CACNA1G: variants seen among roughly 807,000 people sequenced by gnomAD.
The protein encoded by CACNA1G is calcium voltage-gated channel subunit alpha1 G, also known as voltage-dependent T-type calcium channel subunit alpha-1G.
A neutral mutation model predicts 219.4 loss-of-function variants in CACNA1G; 67 were observed. That is an observed-to-expected ratio of 0.31 (90% CI 0.25 to 0.37). The LOEUF (loss-of-function observed/expected upper bound fraction) is 0.37. Ranked by LOEUF, CACNA1G falls within the 10% of genes least tolerant of loss-of-function variation. The pLI, the probability that CACNA1G is intolerant of heterozygous loss-of-function variation, is 1.00. For missense variants in CACNA1G, 2,380 were observed against 3,231.4 expected, an observed-to-expected ratio of 0.74 and a Z score of 6.39; for synonymous variants, 1,296 against 1,345.3, an observed-to-expected ratio of 0.96 and a Z score of 0.80.
At chr17:50,610,977 C>T (rs1567731544) in intron 26 of CACNA1G, among the ~76,000 whole-genome samples, 1 of 152,018 alleles carries the variant, frequency 6.6e-6, no homozygotes, top group Admixed American at 6.6e-5. Flanking sequence ...ACATAAGGGC[C>T]GGGCACAGTG....
Position 50,569,153 on chromosome 17 carries a change from T to C in CACNA1G, c.355-12T>C. On this transcript the variant is annotated splice_polypyrimidine_tract_variant and intron_variant, in intron 2 of 37. Transcript: ENST00000359106. ...ACGTCTCAGTTTCAGCCACCTCTTG[T>C]CCCCACATCAGGCCTTTGATGACTT... is the stretch of plus-strand genomic sequence containing the variant. The C allele has an allele frequency of 6.2e-7, 1 of 1,612,628 alleles. No homozygotes were observed. The highest frequency in any genetic ancestry group is 8.5e-7 in the Non-Finnish European group (1 of 1,179,026).
chr17:50,581,125 G>A (rs901818592), intron 9 of CACNA1G, among the ~76,000 whole-genome samples: 22 of 151,756 alleles, frequency 1.4e-4, no homozygotes, highest in African/African-American at 3.9e-4. Context: ...GAAGAGAGAC[G>A]CGCAGGCAGG....
Position 50,590,589 on chromosome 17 carries a change from A to T in CACNA1G, c.2420A>T (p.Tyr807Phe). The change falls in exon 10 of 38, where the codon TAC becomes TTC. Residue 807 changes from tyrosine (Y) to phenylalanine (F), a missense_variant. Tyr to Phe is a conservative substitution (Grantham distance 22). Around this residue, in one of 17 missense-constraint regions of CACNA1G, gnomAD observed 82 missense variants for 140.7 expected, o/e 0.58. Transcript: ENST00000359106. ...CCCTTTGGCTACATCAAGAATCCCT[A>T]CAACATCTTCGATGGTGTCATTGTG... Reference protein sequence around the residue: ...YGPFGYIKNPYNIFDGVIVVI... With the variant: ...YGPFGYIKNPFNIFDGVIVVI... The T allele has an allele frequency of 6.2e-7, 1 of 1,613,874 alleles. No homozygotes were observed. Among genetic ancestry groups the T allele is most frequent in the Non-Finnish European group, 8.5e-7 (1 of 1,179,834 alleles).
Position 50,578,652 on chromosome 17 carries a change from G to T in CACNA1G, c.2301+88G>T. 7.4e-7 allele frequency: 1 copy of T among 1,342,580 alleles called. No homozygotes were observed. Among genetic ancestry groups the T allele is most frequent in the Non-Finnish European group, 1.0e-6 (1 of 996,848 alleles). 83.2% of individuals were successfully genotyped at this position (1,342,580 alleles called of 1,614,324 possible). On this transcript the variant is annotated intron_variant, in intron 9 of 37. Coordinates refer to ENST00000359106, the MANE Select transcript of CACNA1G (RefSeq NM_018896.5). The surrounding 1 kb of genome is among the most constrained non-coding windows in gnomAD (Gnocchi z 4.5). The stretch of plus-strand genomic sequence containing the variant: ...TACCTCCCTCCGCACCCCTCCTCCT[G>T]AGCTCAGCTTCCTCTCCATGCTGCT...
At chr17:50,581,164 C>A (rs1216277681) in intron 9 of CACNA1G, among the ~76,000 whole-genome samples, 1 of 151,496 alleles carries the variant, frequency 6.6e-6, no homozygotes, top group Admixed American at 6.6e-5. Flanking sequence ...GAGAGATGAG[C>A]CACAGCGGAG....
Position 50,569,162 on chromosome 17 carries a change from C to T in CACNA1G, c.355-3C>T, listed in dbSNP as rs1375344939. 3.7e-6 allele frequency: 6 copies of T among 1,613,370 alleles called. No homozygotes were observed. Among genetic ancestry groups the T allele is most frequent in the Non-Finnish European group, 5.1e-6 (6 of 1,179,632 alleles). On this transcript the variant is annotated splice_polypyrimidine_tract_variant and splice_region_variant and intron_variant, in intron 2 of 37. Transcript: ENST00000359106. ...TTTCAGCCACCTCTTGTCCCCACAT[C>T]AGGCCTTTGATGACTTCATCTTTGC...
At position 50,569,667 on chromosome 17, in the gene CACNA1G, T is replaced by A. The variant is rs1359586483; in HGVS notation, c.489-39T>A. The A allele has an allele frequency of 2.8e-6, 4 of 1,450,106 alleles. No homozygotes were observed. In the East Asian group the frequency reaches 9.9e-5, roughly 36 times the overall value. 89.8% of individuals were successfully genotyped at this position (1,450,106 alleles called of 1,614,324 possible). A position where few individuals can be genotyped will look rare whatever the true frequency, so the allele number is the denominator to read the frequency against. ...GACCTCTTTTGACCCCACTGTGGCC[T>A]CAGACTCAAAGGGCCTCCCTTTGGG... On this transcript the variant is annotated intron_variant, in intron 3 of 37. Coordinates refer to ENST00000359106, the MANE Select transcript of CACNA1G (RefSeq NM_018896.5).
Position 50,571,775 on chromosome 17 carries a change from C to A in CACNA1G, c.587-103C>A. ...TCCAGCTTGAGCCGGGCCGTCTCAG[C>A]CTCAGAGTCCCTGGTGGGGCCCCTC... On this transcript the variant is annotated intron_variant, in intron 4 of 37. Coordinates refer to ENST00000359106, the MANE Select transcript of CACNA1G (RefSeq NM_018896.5). The surrounding 1 kb of genome is among the most constrained non-coding windows in gnomAD (Gnocchi z 4.3). 2.5e-6 allele frequency: 3 copies of A among 1,214,770 alleles called. No homozygotes were observed. The highest frequency in any genetic ancestry group is 1.3e-5 in the South Asian group (1 of 78,174). 75.2% of individuals were successfully genotyped at this position (1,214,770 alleles called of 1,614,324 possible).
intron 26 of CACNA1G, among the ~76,000 whole-genome samples, chr17:50,615,030 G>C (rs897995851): frequency 6.6e-6 from 1 of 152,134 alleles, no homozygotes. Flanking sequence ...GCCTTGCTGC[G>C]GAACACTGAG....
Position 50,621,850 on chromosome 17 carries a change from A to G in CACNA1G, c.6060+56A>G. ...CCACCCCCGGGGCTGGACTGGCTGC[A>G]GGGCTCCAGATCGGCCCAGGGAGGG... On this transcript the variant is annotated intron_variant, in intron 35 of 37. Coordinates refer to ENST00000359106, the MANE Select transcript of CACNA1G (RefSeq NM_018896.5). This position sits in a 1 kb window ranked among gnomAD's most constrained non-coding sequence, Gnocchi z 4.6. 2 of 1,600,892 alleles carry G rather than the reference A, an allele frequency of 1.2e-6. No individual in the cohort carries two copies. The highest frequency in any genetic ancestry group is 1.7e-6 in the Non-Finnish European group (2 of 1,174,186).
Position 50,596,937 on chromosome 17 carries a change from G to T in CACNA1G, c.3258+14G>T. 2 of 1,525,146 alleles carry T rather than the reference G, an allele frequency of 1.3e-6. No individual in the cohort carries two copies. The highest frequency in any genetic ancestry group is 1.8e-6 in the Non-Finnish European group (2 of 1,134,484). The allele number at this position is 1,525,146 out of a possible 1,614,324, so 94.5% of individuals were successfully genotyped here. On this transcript the variant is annotated intron_variant, in intron 16 of 37. Transcript: ENST00000359106. This position sits in a 1 kb window ranked among gnomAD's most constrained non-coding sequence, Gnocchi z 4.8. Reference sequence around the variant, plus strand: ...ATGAAGTCACCGGTAGGGGGTGCATGTGGGTACCCTGATGGTGGGAGATAT... The same window carrying T: ...ATGAAGTCACCGGTAGGGGGTGCATTTGGGTACCCTGATGGTGGGAGATAT...
At chr17:50,594,884 TG>T in intron 13 of CACNA1G, 108 bp from the exon 14 acceptor site, 1 of 732,954 alleles carries the variant, frequency 1.4e-6, no homozygotes, top group Non-Finnish European at 2.3e-6. Context: ...TCCCCTGCTG[TG>T]GGGTTTGCGC....
Position 50,591,448 on chromosome 17 carries a change from G to A in CACNA1G, c.2467G>A (p.Val823Met), listed in dbSNP as rs372826053. ...VIVVISVWEIVGQQGGGLSVL... is the reference protein window; with the variant it reads ...VIVVISVWEIMGQQGGGLSVL... The stretch of plus-strand genomic sequence containing the variant: ...CCCCCTTTGCAGCGTGTGGGAGATC[G>A]TGGGCCAGCAGGGGGGCGGCCTGTC... The change falls in exon 11 of 38, where the codon GTG becomes ATG. Residue 823 changes from valine (V) to methionine (M), a missense_variant. Around this residue, in one of 17 missense-constraint regions of CACNA1G, gnomAD observed 82 missense variants for 140.7 expected, o/e 0.58. Coordinates refer to ENST00000359106, the MANE Select transcript of CACNA1G (RefSeq NM_018896.5). The A allele has an allele frequency of 5.7e-6, 9 of 1,579,768 alleles. No individual in the cohort carries two copies. The highest frequency in any genetic ancestry group is 3.5e-5 in the Admixed American group (2 of 57,224).
intron 23 of CACNA1G, chr17:50,606,502 C>G (rs543928466): frequency 1.8e-6 from 1 of 571,308 alleles, no homozygotes; most frequent in South Asian, 2.3e-5. Context: ...GTGTATATTT[C>G]TTTAACATGG....
At position 50,626,079 on chromosome 17, in the gene CACNA1G, A is replaced by G. The variant is rs201899817; in HGVS notation, c.6462A>G (p.Ala2154=). Residue 2154 remains alanine (A), a synonymous_variant, in exon 38 of 38, where the codon GCA becomes GCG. Coordinates refer to ENST00000359106, the MANE Select transcript of CACNA1G (RefSeq NM_018896.5). This position sits in a 1 kb window ranked among gnomAD's most constrained non-coding sequence, Gnocchi z 4.3. ...QGLGSREDLL[A]EVSGPSPPLA... ...TGGGCAGCCGGGAAGACCTGCTGGC[A>G]GAGGTGAGTGGGCCCTCCCCGCCCC... 3.1e-6 allele frequency: 5 copies of G among 1,613,510 alleles called. No individual in the cohort carries two copies. Among genetic ancestry groups the G allele is most frequent in the African/African-American group, 2.7e-5 (2 of 74,998 alleles).
chr17:50,575,957 C>A lies in CACNA1G; in HGVS notation c.1555C>A (p.Pro519Thr), dbSNP rs1228415011. The change falls in exon 8 of 38, where the codon CCG becomes ACG. Residue 519 changes from proline (P) to threonine (T), a missense_variant. This residue lies in a region of CACNA1G where 434 missense variants were observed against 417.3 expected (regional missense o/e 1.04). Transcript: ENST00000359106. ...NGTLRAPRAS[P>T]EIQDRDANGS... ...GACGCTCAGGGCCCCCCGGGCCAGC[C>A]CGGAGATCCAGGACAGGGATGCCAA... 8 of 1,551,580 alleles carry A rather than the reference C, an allele frequency of 5.2e-6. No individual in the cohort carries two copies. Among genetic ancestry groups the A allele is most frequent in the South Asian group, 1.2e-5 (1 of 84,150 alleles).
At position 50,624,027 on chromosome 17, in the gene CACNA1G, G is replaced by A. The variant is rs750174107; in HGVS notation, c.6181G>A (p.Glu2061Lys). The change falls in exon 36 of 38, where the codon GAG becomes AAG. Residue 2061 changes from glutamate (E) to lysine (K), a missense_variant. Transcript: ENST00000359106. ...CATGTGTCGGCATGGGAGCACTGCC[G>A]AGGGGCCCCTGGGACACAGGGGCTG... Reference protein sequence around the residue: ...SYMCRHGSTAEGPLGHRGWGL... With the variant: ...SYMCRHGSTAKGPLGHRGWGL... The A allele has an allele frequency of 2.3e-5, 37 of 1,612,736 alleles. No individual in the cohort carries two copies. The Admixed American group carries it at 3.8e-4, about 17-fold the overall frequency.
chr17:50,611,974 C>T (rs186836499), intron 26 of CACNA1G, among the ~76,000 whole-genome samples: 2 of 152,372 alleles, frequency 1.3e-5, no homozygotes, highest in Admixed American at 1.3e-4. Context: ...CAGTTACCTT[C>T]CCTGGCTGTT....
At chr17:50,562,408 T>C (rs927978149) in intron 1 of CACNA1G, among the ~76,000 whole-genome samples, 1 of 151,972 alleles carries the variant, frequency 6.6e-6, no homozygotes, top group African/African-American at 2.4e-5. Context: ...GAACAAGATG[T>C]GGTGGAGGGG....
Sources: allele counts gnomAD v4.1 joint callset (sites outside exome capture counted in the v4.1 genomes callset), GRCh38; gene constraint gnomAD v4.1.1; regional missense constraint gnomAD v4.1.1; non-coding constraint Gnocchi (gnomAD v3.1); transcripts MANE v1.5; gene names NCBI Gene and HGNC (gene_info 2026-07-23, HGNC 2026-07-21).